ROR1: variants seen among roughly 807,000 people sequenced by gnomAD.
The protein encoded by ROR1 is inactive tyrosine-protein kinase transmembrane receptor ROR1.
ROR1 carries 19 observed loss-of-function variants against 78.8 expected under a neutral mutation model. The observed-to-expected ratio is 0.24, with a 90% confidence interval of 0.17 to 0.35. ROR1 has a LOEUF of 0.35. Ranked by LOEUF, ROR1 falls within the 10% of genes least tolerant of loss-of-function variation. The pLI, the probability that ROR1 is intolerant of heterozygous loss-of-function variation, is 1.00. For synonymous variants in ROR1, 386 were observed against 433.6 expected (o/e 0.89, Z 1.36); for missense variants, 917 against 1,177.8 (o/e 0.78, Z 3.24).
At chr1:64,006,198 C>G (rs1646426209) in intron 1 of ROR1, among the ~76,000 whole-genome samples, 1 of 152,208 alleles carries the variant, frequency 6.6e-6, no homozygotes, top group Non-Finnish European at 1.5e-5. Context: ...TAAGATGAAG[C>G]TATGAAAATA....
chr1:64,002,481 A>G (rs1646393096), intron 1 of ROR1, among the ~76,000 whole-genome samples: 1 of 152,224 alleles, frequency 6.6e-6, no homozygotes, highest in Non-Finnish European at 1.5e-5. Flanking sequence ...ACATATGCAT[A>G]TATAATGAAT....
At chr1:63,972,803 C>G (rs775317276) in intron 1 of ROR1, among the ~76,000 whole-genome samples, 10 of 152,166 alleles carry the variant, frequency 6.6e-5, no homozygotes, top group Non-Finnish European at 1.3e-4. Flanking sequence ...GGAATATGGG[C>G]CTAGTGTTTT....
intron 1 of ROR1, among the ~76,000 whole-genome samples, chr1:63,916,686 T>A (rs1402945490): frequency 6.6e-6 from 1 of 152,200 alleles, no homozygotes; most frequent in African/African-American, 2.4e-5. Flanking sequence ...CACCTCCTGA[T>A]GTGAGACCTC....
intron 4 of ROR1, chr1:64,066,716 T>C (rs1217841797): frequency 4.6e-5 from 7 of 152,604 alleles, no homozygotes; most frequent in Admixed American, 4.6e-4. Flanking sequence ...CAATCAGTTG[T>C]AAACACGATG....
intron 1 of ROR1, among the ~76,000 whole-genome samples, chr1:63,833,990 C>CTTTTTTTTTTTTTTTTT (rs71056008): frequency 7.6e-6 from 1 of 132,022 alleles, no homozygotes; most frequent in Non-Finnish European, 1.6e-5. Flanking sequence ...TCTTCTTCTT[C>CTTTTTTTTTTTTTTTTT]TTTTTTTTTT....
rs542459035 is a variant in ROR1, at chr1:64,156,737, C to T, written c.1175-2244C>T. Among the ~76,000 whole-genome samples, 146 of 146,410 alleles carry T rather than the reference C, an allele frequency of 1.0e-3. 1 individual carries two copies. The East Asian group carries it at 0.027, about 27-fold the overall frequency. On this transcript the variant is annotated intron_variant, in intron 7 of 8. Transcript: ENST00000371079. ...AAAAAAAAAAAAAAAGCAGGGATTT[C>T]AAAAGCATCACATTTGGCAAAACTT...
rs796570842 is a variant in ROR1, at chr1:63,833,104, C to A, written c.91+58596C>A. 4.6e-5 allele frequency among the ~76,000 whole-genome samples: 7 copies of A among 152,322 alleles called. No individual in the cohort carries two copies. In the South Asian group the frequency reaches 1.2e-3, roughly 27 times the overall value. On this transcript the variant is annotated intron_variant, in intron 1 of 8. Coordinates refer to ENST00000371079, the MANE Select transcript of ROR1 (RefSeq NM_005012.4). ...ACAATTTTGCATAGTGTGGTGATTT[C>A]TCAGAACTCATATGTTGTGTTATAG... is the stretch of plus-strand genomic sequence containing the variant.
At chr1:64,128,291 C>CAAA (rs72429774) in intron 4 of ROR1, among the ~76,000 whole-genome samples, 2,051 of 101,150 alleles carry the variant, frequency 0.02, 106 homozygotes, top group African/African-American at 0.046. Flanking sequence ...CCTGTCTCTA[C>CAAA]AAAAAAAAAA....
chr1:63,795,160 G>A (rs1000768061), intron 1 of ROR1, among the ~76,000 whole-genome samples: 3 of 152,066 alleles, frequency 2.0e-5, no homozygotes, highest in African/African-American at 7.2e-5. Context: ...TGCTCCAGAG[G>A]GCTGATGGAT....
At chr1:63,859,676 G>A (rs1645168358) in intron 1 of ROR1, among the ~76,000 whole-genome samples, 1 of 152,062 alleles carries the variant, frequency 6.6e-6, no homozygotes, top group Non-Finnish European at 1.5e-5. Context: ...TGACTGTAAG[G>A]CCCTCCCAGT....
At chr1:64,023,085 T>A (rs1235444416) in intron 2 of ROR1, among the ~76,000 whole-genome samples, 1 of 152,160 alleles carries the variant, frequency 6.6e-6, no homozygotes, top group Non-Finnish European at 1.5e-5. Flanking sequence ...CTGCTAAGGA[T>A]TCCCAATAGG....
intron 2 of ROR1, among the ~76,000 whole-genome samples, chr1:64,040,126 A>G (rs1454430580): frequency 1.3e-5 from 2 of 152,222 alleles, no homozygotes; most frequent in South Asian, 4.1e-4. Context: ...TGTTAGGACT[A>G]TAGATTTACT....
intron 1 of ROR1, among the ~76,000 whole-genome samples, chr1:63,909,888 C>T (rs989492723): frequency 1.3e-5 from 2 of 152,016 alleles, no homozygotes; most frequent in Non-Finnish European, 2.9e-5. Context: ...AGTTGTTTGG[C>T]GTGCTGCAAA....
chr1:63,928,178 C>CTGGG (rs1645721530), intron 1 of ROR1, among the ~76,000 whole-genome samples: 1 of 152,144 alleles, frequency 6.6e-6, no homozygotes. Flanking sequence ...CATAAGAATC[C>CTGGG]TGGGTAGGAG....
At chr1:63,915,903 T>G (rs911767738) in intron 1 of ROR1, among the ~76,000 whole-genome samples, 5 of 152,124 alleles carry the variant, frequency 3.3e-5, no homozygotes, top group African/African-American at 1.2e-4. Flanking sequence ...GGAGACCCAG[T>G]ATCTCCTGTG....
intron 4 of ROR1, among the ~76,000 whole-genome samples, chr1:64,079,770 C>T (rs1647085237): frequency 6.6e-6 from 1 of 152,140 alleles, no homozygotes; most frequent in Non-Finnish European, 1.5e-5. Context: ...GCATGAGCCA[C>T]CGTATCTGGC....
At chr1:63,874,454 A>G (rs1037203548) in intron 1 of ROR1, among the ~76,000 whole-genome samples, 5 of 152,158 alleles carry the variant, frequency 3.3e-5, no homozygotes, top group African/African-American at 7.2e-5. Context: ...CTTATTAGCA[A>G]GGTCTCATAG....
rs190386296 is a variant in ROR1 at position 63,911,798 on chromosome 1, A to G, written c.92-97507A>G. Among the ~76,000 whole-genome samples the G allele has an allele frequency of 5.9e-5, 9 of 152,326 alleles. No homozygotes were observed. In the East Asian group the frequency reaches 1.5e-3, roughly 26 times the overall value. On this transcript the variant is annotated intron_variant, in intron 1 of 8. Coordinates refer to ENST00000371079, the MANE Select transcript of ROR1 (RefSeq NM_005012.4). ...AAAGTTTAAGCCACAAAGCATTAAT[A>G]GGAACACTTGGACCTGTACAAGAGA... is the stretch of plus-strand genomic sequence containing the variant.
At chr1:63,936,017 G>A (rs1164241662) in intron 1 of ROR1, among the ~76,000 whole-genome samples, 1 of 152,204 alleles carries the variant, frequency 6.6e-6, no homozygotes, top group African/African-American at 2.4e-5. Context: ...AGGGTGAAAG[G>A]GAGATTAACC....
Sources: gnomAD v4.1 joint callset for allele counts (sites outside exome capture counted in the v4.1 genomes callset) on GRCh38, gnomAD v4.1.1 for gene constraint, MANE v1.5 for transcripts, NCBI Gene and HGNC (gene_info 2026-07-23, HGNC 2026-07-21) for gene names.